KCNIP4: variants seen among roughly 807,000 people sequenced by gnomAD.
KCNIP4 encodes Kv channel-interacting protein 4.
A neutral mutation model predicts 34.0 loss-of-function variants in KCNIP4; 12 were observed. The ratio of observed to expected loss-of-function variants is 0.35; its 90% CI spans 0.23 to 0.57. The LOEUF (loss-of-function observed/expected upper bound fraction) is 0.57, where lower values mean the gene tolerates loss of function less well. Ranked by LOEUF, KCNIP4 falls within the 20% of genes least tolerant of loss-of-function variation. The probability of loss-of-function intolerance (pLI) is 0.83; values close to 1 mark genes in which losing one functional copy is unlikely to be tolerated. For missense variants in KCNIP4, 238 were observed against 311.7 expected, an observed-to-expected ratio of 0.76 and a Z score of 1.78; for synonymous variants, 124 against 102.2, an observed-to-expected ratio of 1.21 and a Z score of -1.29.
intron 3 of KCNIP4, among the ~76,000 whole-genome samples, chr4:20,781,345 C>A (rs1756853784): frequency 6.6e-6 from 1 of 152,122 alleles, no homozygotes; most frequent in Non-Finnish European, 1.5e-5. Context: ...ATGAGATGAA[C>A]AATTTGAACT....
intron 1 of KCNIP4, among the ~76,000 whole-genome samples, chr4:21,405,301 G>A (rs1560373922): frequency 6.6e-6 from 1 of 152,058 alleles, no homozygotes; most frequent in East Asian, 1.9e-4. Flanking sequence ...CATTGCTTTG[G>A]TAGCTATACC....
chr4:21,271,428 C>T (rs757352816), intron 1 of KCNIP4, among the ~76,000 whole-genome samples: 2 of 152,176 alleles, frequency 1.3e-5, no homozygotes, highest in African/African-American at 2.4e-5. Context: ...TGAAATATAG[C>T]ATTTTAGGAG....
Position 21,282,004 on chromosome 4 carries a change from T to A in KCNIP4, c.62-399295A>T, listed in dbSNP as rs79541952. ...GCTGCATACTGTTCACTTGGCTAACTTCTAGAATAGAGTGGTGGATTCTAG... is the reference window on the plus strand; with the variant it reads ...GCTGCATACTGTTCACTTGGCTAACATCTAGAATAGAGTGGTGGATTCTAG... On this transcript the variant is annotated intron_variant, in intron 1 of 8. Coordinates refer to ENST00000382152, the MANE Select transcript of KCNIP4 (RefSeq NM_025221.6). Among the ~76,000 whole-genome samples, 1,012 of 152,316 alleles carry A rather than the reference T, an allele frequency of 6.6e-3. 11 individuals are homozygous for A. Among genetic ancestry groups the A allele is most frequent in the African/African-American group, 0.023 (962 of 41,578 alleles).
chr4:20,780,856 T>G (rs562688343), intron 3 of KCNIP4, among the ~76,000 whole-genome samples: 1 of 152,340 alleles, frequency 6.6e-6, no homozygotes, highest in East Asian at 1.9e-4. Flanking sequence ...AACCTTTAAC[T>G]TAAGATACTT....
At chr4:21,455,728 C>T (rs1250640528) in intron 1 of KCNIP4, among the ~76,000 whole-genome samples, 20 of 145,420 alleles carry the variant, frequency 1.4e-4, no homozygotes, top group Non-Finnish European at 2.9e-4. Context: ...TTTCCTCTCT[C>T]CCTCCCTTTC....
At chr4:20,891,871 G>A (rs1725951443) in intron 1 of KCNIP4, among the ~76,000 whole-genome samples, 1 of 152,072 alleles carries the variant, frequency 6.6e-6, no homozygotes, top group South Asian at 2.1e-4. Flanking sequence ...TTTTAAAGTG[G>A]ACTTACAGTT....
intron 3 of KCNIP4, among the ~76,000 whole-genome samples, chr4:20,828,904 C>G (rs769243745): frequency 6.6e-6 from 1 of 152,160 alleles, no homozygotes; most frequent in Non-Finnish European, 1.5e-5. Context: ...AATGTTCAGA[C>G]TTGCTGGAAA....
intron 3 of KCNIP4, among the ~76,000 whole-genome samples, chr4:20,833,509 T>C (rs1221168117): frequency 6.9e-6 from 1 of 145,650 alleles, no homozygotes; most frequent in East Asian, 2.0e-4. Context: ...TAATAATACT[T>C]TAAAAAAATC....
intron 1 of KCNIP4, among the ~76,000 whole-genome samples, chr4:21,842,117 A>G (rs1475690291): frequency 6.6e-6 from 1 of 152,174 alleles, no homozygotes; most frequent in African/African-American, 2.4e-5. Context: ...CATCAATAAA[A>G]TATATTATTT....
chr4:21,370,052 C>T (rs1560336839), intron 1 of KCNIP4, among the ~76,000 whole-genome samples: 1 of 147,214 alleles, frequency 6.8e-6, no homozygotes, highest in Non-Finnish European at 1.5e-5. Context: ...TGGTCTCGAC[C>T]TCCTGACCTC....
intron 3 of KCNIP4, among the ~76,000 whole-genome samples, chr4:20,831,602 A>T (rs1032922396): frequency 2.6e-5 from 4 of 152,300 alleles, no homozygotes; most frequent in Non-Finnish European, 4.4e-5. Context: ...AATTAGAAAA[A>T]TCTGGTGATT....
chr4:20,953,868 ATTC>A (rs1390306803), intron 1 of KCNIP4, among the ~76,000 whole-genome samples: 1 of 152,132 alleles, frequency 6.6e-6, no homozygotes, highest in Non-Finnish European at 1.5e-5. Context: ...ACCAGCCCTG[ATTC>A]TTCTTCTTCT....
At chr4:21,135,447 A>G (rs1174774194) in intron 1 of KCNIP4, among the ~76,000 whole-genome samples, 1 of 152,202 alleles carries the variant, frequency 6.6e-6, no homozygotes, top group African/African-American at 2.4e-5. Context: ...TATGGGCTCT[A>G]TCAGATATTT....
chr4:21,289,216 G>T (rs906008429), intron 1 of KCNIP4, among the ~76,000 whole-genome samples: 3 of 152,052 alleles, frequency 2.0e-5, no homozygotes, highest in Admixed American at 1.3e-4. Context: ...TTTGATACAG[G>T]CATATAATGT....
At chr4:21,142,724 T>C (rs1302286203) in intron 1 of KCNIP4, among the ~76,000 whole-genome samples, 1 of 152,120 alleles carries the variant, frequency 6.6e-6, no homozygotes, top group Non-Finnish European at 1.5e-5. Context: ...AAATTGGGTG[T>C]TGGACTCCCA....
At chr4:20,787,022 T>G (rs894293813) in intron 3 of KCNIP4, among the ~76,000 whole-genome samples, 2 of 152,178 alleles carry the variant, frequency 1.3e-5, no homozygotes, top group Non-Finnish European at 2.9e-5. Flanking sequence ...TTGAGGCGAT[T>G]ATTCTTAGTA....
intron 1 of KCNIP4, among the ~76,000 whole-genome samples, chr4:21,101,690 T>C (rs1373758191): frequency 1.3e-5 from 2 of 152,134 alleles, no homozygotes; most frequent in Admixed American, 1.3e-4. Flanking sequence ...CTAGATAAAT[T>C]ATACACTTAA....
At chr4:21,666,719 G>GA (rs918418225) in intron 1 of KCNIP4, among the ~76,000 whole-genome samples, 23 of 150,362 alleles carry the variant, frequency 1.5e-4, no homozygotes, top group African/African-American at 3.4e-4. Context: ...GACATTAAAT[G>GA]AAAAAAAAAT....
At chr4:21,195,078 T>G (rs541549087) in intron 1 of KCNIP4, among the ~76,000 whole-genome samples, 2 of 152,294 alleles carry the variant, frequency 1.3e-5, no homozygotes, top group South Asian at 2.1e-4. Context: ...CTCCTCTATA[T>G]TCTCCTGGGA....
Sources: gnomAD v4.1 joint callset for allele counts (sites outside exome capture counted in the v4.1 genomes callset) on GRCh38, gnomAD v4.1.1 for gene constraint, MANE v1.5 for transcripts, NCBI Gene and HGNC (gene_info 2026-07-23, HGNC 2026-07-21) for gene names.